The following NUGGC variants were observed in gnomAD, a reference collection of about 807,000 sequenced individuals.
NUGGC encodes nuclear GTPase SLIP-GC.
Under a neutral mutation model 92.6 loss-of-function variants are expected in NUGGC, and 58 were observed. The ratio of observed to expected loss-of-function variants is 0.63; its 90% CI spans 0.51 to 0.78. NUGGC has a LOEUF of 0.78. NUGGC is among the 30% of genes least tolerant of loss of function. The probability of loss-of-function intolerance (pLI) is 0.00; values close to 1 mark genes in which losing one functional copy is unlikely to be tolerated. For synonymous variants in NUGGC, 376 were observed against 366.4 expected (o/e 1.03, Z -0.30); for missense variants, 925 against 964.6 (o/e 0.96, Z 0.54).
At chr8:28,043,825 C>T (rs539927375) in intron 12 of NUGGC, among the ~76,000 whole-genome samples, 2 of 152,304 alleles carry the variant, frequency 1.3e-5, no homozygotes, top group South Asian at 2.1e-4. Context: ...ACAAATTTCA[C>T]CCTGAAGAAC....
rs112643873 is a variant in NUGGC at position 28,079,412 on chromosome 8, C to T, written c.-47+4363G>A. ...AAAATTAGCCCGGTGTGGTGGCACG[C>T]GCCTGTAATCCCAGCTACTCAGGAG... On this transcript the variant is annotated intron_variant, in intron 1 of 18. Transcript: ENST00000413272. Among the ~76,000 whole-genome samples, 58 of 152,180 alleles carry T rather than the reference C, an allele frequency of 3.8e-4. 1 individual carries two copies. The highest frequency in any genetic ancestry group is 3.4e-3 in the Middle Eastern group (1 of 294).
intron 12 of NUGGC, among the ~76,000 whole-genome samples, chr8:28,042,933 C>A (rs912657871): frequency 3.9e-5 from 6 of 152,218 alleles, no homozygotes; most frequent in Admixed American, 1.3e-4. Flanking sequence ...TTGAAAACAA[C>A]CTCACACTCT....
At chr8:28,053,187 T>A (rs1810049227) in intron 10 of NUGGC, among the ~76,000 whole-genome samples, 2 of 152,186 alleles carry the variant, frequency 1.3e-5, no homozygotes, top group South Asian at 4.1e-4. Flanking sequence ...GGCTAGGCAT[T>A]GTGGCTCACA....
At position 28,023,038 on chromosome 8, in the gene NUGGC, C is replaced by T. The variant is rs927575200; in HGVS notation, c.*279G>A. On this transcript the variant is annotated 3_prime_UTR_variant, in exon 19 of 19. Transcript: ENST00000413272. ...TGAGCCGAGATTGCACCACTGCATT[C>T]CAGCCTGGGTGACACAGCGAGACTC... is the stretch of plus-strand genomic sequence containing the variant. 5.2e-5 allele frequency: 13 copies of T among 251,014 alleles called. No homozygotes were observed. In the East Asian group the frequency reaches 1.0e-3, roughly 20 times the overall value. 15.5% of individuals were successfully genotyped at this position (251,014 alleles called of 1,614,324 possible).
chr8:28,060,615 C>T lies in NUGGC; in HGVS notation c.922-14G>A, dbSNP rs1810279193. 2 of 1,605,630 alleles carry T rather than the reference C, an allele frequency of 1.2e-6. No homozygotes were observed. On this transcript the variant is annotated splice_polypyrimidine_tract_variant and intron_variant, in intron 7 of 18. Transcript: ENST00000413272. ...CTTGTCAATGGTCTGCAAAACATGA[C>T]CACGGCATGTGTCAGCACAGGAATG...
intron 1 of NUGGC, among the ~76,000 whole-genome samples, chr8:28,077,403 A>AT (rs1205394312): frequency 6.6e-6 from 1 of 151,892 alleles, no homozygotes. Context: ...CCAAAAAAAA[A>AT]AAAAAAGAAA....
chr8:28,072,303 G>T (rs1488139115), intron 2 of NUGGC, among the ~76,000 whole-genome samples: 1 of 152,224 alleles, frequency 6.6e-6, no homozygotes, highest in Non-Finnish European at 1.5e-5. Flanking sequence ...TGCTGGCTTG[G>T]TGGCTGGAGC....
At chr8:28,055,744 G>GA (rs1563223876) in intron 10 of NUGGC, among the ~76,000 whole-genome samples, 1 of 152,032 alleles carries the variant, frequency 6.6e-6, no homozygotes, top group Non-Finnish European at 1.5e-5. Flanking sequence ...GAGGTGGGAG[G>GA]ATCTCTTGAG....
At chr8:28,072,370 G>A (rs996445395) in intron 2 of NUGGC, among the ~76,000 whole-genome samples, 3 of 152,308 alleles carry the variant, frequency 2.0e-5, no homozygotes, top group East Asian at 1.9e-4. Context: ...GCCAGCTACC[G>A]GCTGAAGAAC....
At chr8:28,037,116 C>T (rs931913913) in intron 13 of NUGGC, among the ~76,000 whole-genome samples, 10 of 152,152 alleles carry the variant, frequency 6.6e-5, no homozygotes, top group African/African-American at 2.2e-4. Context: ...TCCAGCTACC[C>T]GCCACTCGCT....
At chr8:28,066,550 C>A (rs1810445011) in intron 6 of NUGGC, among the ~76,000 whole-genome samples, 1 of 151,820 alleles carries the variant, frequency 6.6e-6, no homozygotes, top group South Asian at 2.1e-4. Flanking sequence ...AAAATTGTAC[C>A]CATTTTACCA....
intron 14 of NUGGC, among the ~76,000 whole-genome samples, chr8:28,031,722 C>A (rs926856036): frequency 6.6e-6 from 1 of 152,198 alleles, no homozygotes; most frequent in Admixed American, 6.5e-5. Context: ...CAATGTGTGT[C>A]CACTTGAAAG....
At chr8:28,036,965 C>T (rs192607058) in intron 13 of NUGGC, among the ~76,000 whole-genome samples, 73 of 152,332 alleles carry the variant, frequency 4.8e-4, no homozygotes, top group Non-Finnish European at 9.0e-4. Context: ...ATTAGAGGAT[C>T]ACCCACATGA....
intron 13 of NUGGC, among the ~76,000 whole-genome samples, chr8:28,039,530 G>T (rs1228719958): frequency 1.3e-5 from 2 of 152,062 alleles, no homozygotes; most frequent in Non-Finnish European, 2.9e-5. Flanking sequence ...CCACACTCAG[G>T]CTCATCTAGA....
intron 13 of NUGGC, among the ~76,000 whole-genome samples, chr8:28,036,995 C>T (rs1427230547): frequency 6.6e-6 from 1 of 152,152 alleles, no homozygotes; most frequent in African/African-American, 2.4e-5. Flanking sequence ...TGGCTCAGAA[C>T]CACTATTGTC....
chr8:28,030,943 T>G (rs1809402248), intron 15 of NUGGC, among the ~76,000 whole-genome samples: 1 of 152,230 alleles, frequency 6.6e-6, no homozygotes, highest in Admixed American at 6.5e-5. Flanking sequence ...ATGCAAATTT[T>G]CATACAATTA....
At position 28,038,538 on chromosome 8, in the gene NUGGC, A is replaced by G. The variant is rs181254169; in HGVS notation, c.1611+2513T>C. Among the ~76,000 whole-genome samples, 130 of 152,316 alleles carry G rather than the reference A, an allele frequency of 8.5e-4. 3 individuals are homozygous for G. The East Asian group carries it at 0.02, about 23-fold the overall frequency. ...AGTTTGAGTAACTTGTCCCGGTCAC[A>G]TAGCTGGCAGATGGGGAAACTGAGG... On this transcript the variant is annotated intron_variant, in intron 13 of 18. Coordinates refer to ENST00000413272, the MANE Select transcript of NUGGC (RefSeq NM_001010906.2).
intron 2 of NUGGC, among the ~76,000 whole-genome samples, chr8:28,073,815 T>C (rs764962317): frequency 6.6e-6 from 1 of 152,158 alleles, no homozygotes; most frequent in Non-Finnish European, 1.5e-5. Flanking sequence ...ATTATTATTA[T>C]TGAGATGGAG....
At chr8:28,034,459 C>A (rs1029248636) in intron 13 of NUGGC, among the ~76,000 whole-genome samples, 3 of 152,182 alleles carry the variant, frequency 2.0e-5, no homozygotes. Flanking sequence ...TGGTATAATT[C>A]TCTCTTTTTT....
Sources: allele counts gnomAD v4.1 joint callset (sites outside exome capture counted in the v4.1 genomes callset), GRCh38; gene constraint gnomAD v4.1.1; transcripts MANE v1.5; gene names NCBI Gene and HGNC (gene_info 2026-07-23, HGNC 2026-07-21).